Variants in SLA observed in about 807,000 individuals in gnomAD.
SLA encodes the protein src-like-adapter.
A neutral mutation model predicts 30.3 loss-of-function variants in SLA; 16 were observed. The observed-to-expected ratio is 0.53, with a 90% CI of 0.36 to 0.80. SLA has a LOEUF of 0.80. Ranked by LOEUF, SLA falls within the 30% of genes least tolerant of loss-of-function variation. The pLI, the probability that SLA is intolerant of heterozygous loss-of-function variation, is 0.01. For synonymous variants in SLA, 143 were observed against 137.8 expected (o/e 1.04, Z -0.26); for missense variants, 310 against 345.2 (o/e 0.90, Z 0.81).
chr8:133,079,087 A>T (rs1028858125), intron 1 of SLA, among the ~76,000 whole-genome samples: 5 of 152,204 alleles, frequency 3.3e-5, no homozygotes, highest in African/African-American at 1.2e-4. Context: ...GTACTGAGTC[A>T]GCACAAGAAG....
In SLA at chr8:133,040,048, G is replaced by C. The variant is rs138114921; in HGVS notation, c.567C>G (p.Ser189Arg). Residue 189 changes from serine to arginine, a missense_variant, in exon 8 of 9, where the codon AGC (serine) becomes AGG (arginine). Physicochemically the swap from Ser to Arg is moderately radical, Grantham distance 110 (BLOSUM62 -1). Transcript: ENST00000338087. Reference protein sequence around the residue: ...STAAPAVRASSSPVTLRQKTV... With the variant: ...STAAPAVRASRSPVTLRQKTV... ...TCTTCTGACGCAAGGTGACAGGTGA[G>C]CTGGAGGCCCTCACTGCTGGGGCAG... 5 of 1,552,948 alleles carry C rather than the reference G, an allele frequency of 3.2e-6. No individual in the cohort carries two copies. The highest frequency in any genetic ancestry group is 4.4e-6 in the Non-Finnish European group (5 of 1,147,676).
intron 2 of SLA, among the ~76,000 whole-genome samples, chr8:133,067,790 GAAAA>G (rs1564145104): frequency 7.0e-6 from 1 of 142,374 alleles, no homozygotes. Context: ...AAGAAAGAAA[GAAAA>G]AGAAAGAAAG....
intron 3 of SLA, among the ~76,000 whole-genome samples, chr8:133,055,873 G>T (rs1439196237): frequency 6.7e-6 from 1 of 148,684 alleles, no homozygotes; most frequent in Non-Finnish European, 1.5e-5. Flanking sequence ...GCAGCAGCAG[G>T]GCGCACAGCT....
intron 2 of SLA, among the ~76,000 whole-genome samples, chr8:133,061,428 TAC>T (rs1842355787): frequency 6.6e-6 from 1 of 151,954 alleles, no homozygotes; most frequent in Admixed American, 6.6e-5. Flanking sequence ...TGGCATAGAA[TAC>T]ATGTTAGTTA....
intron 1 of SLA, among the ~76,000 whole-genome samples, chr8:133,100,558 C>T (rs1289731461): frequency 1.3e-5 from 2 of 152,214 alleles, no homozygotes; most frequent in Non-Finnish European, 2.9e-5. Flanking sequence ...TGAAATAATT[C>T]ACCCTCACAA....
Position 133,063,068 on chromosome 8 carries a change from G to A in SLA, c.-40-2868C>T, listed in dbSNP as rs183872006. ...GGCTTCTGGGGAAAGTTCTCAACAT[G>A]CAGAACTAACTCTGAAACCACATGT... On this transcript the variant is annotated intron_variant, in intron 2 of 8. Coordinates refer to ENST00000338087, the MANE Select transcript of SLA (RefSeq NM_001045556.3). 2.6e-5 allele frequency among the ~76,000 whole-genome samples: 4 copies of A among 152,294 alleles called. No homozygotes were observed. The East Asian group carries it at 7.7e-4, about 29-fold the overall frequency.
chr8:133,040,125 C>A lies in SLA; in HGVS notation c.490G>T (p.Ala164Ser), dbSNP rs756663051. ...GTGAGCACACAGCACAGGCCATCAG[C>A]CACCTCTGAGGAGGGAAGCAGACAG... ...EDLVNHYSEV[A>S]DGLCCVLTTP... The change falls in exon 8 of 9, where the codon GCT (alanine) becomes TCT (serine). Residue 164 changes from alanine (A) to serine (S), a missense_variant. Coordinates refer to ENST00000338087, the MANE Select transcript of SLA (RefSeq NM_001045556.3). 4 of 1,577,830 alleles carry A rather than the reference C, an allele frequency of 2.5e-6. No individual in the cohort carries two copies. The South Asian group carries it at 4.7e-5, about 18-fold the overall frequency.
chr8:133,049,166 G>C, intron 5 of SLA: 1 of 456,610 alleles, frequency 2.2e-6, no homozygotes, highest in Non-Finnish European at 4.4e-6. Context: ...GGAGGCTGCA[G>C]AGGCCTCACT....
intron 1 of SLA, among the ~76,000 whole-genome samples, chr8:133,086,441 A>C (rs1846572203): frequency 6.6e-6 from 1 of 152,246 alleles, no homozygotes; most frequent in African/African-American, 2.4e-5. Flanking sequence ...TTATCATACA[A>C]CAAAAATATT....
chr8:133,096,258 A>T lies in SLA; in HGVS notation c.-319+6295T>A, dbSNP rs765324261. 58 of 1,614,070 alleles carry T rather than the reference A, an allele frequency of 3.6e-5. No homozygotes were observed. The highest frequency in any genetic ancestry group is 4.6e-5 in the Non-Finnish European group (54 of 1,180,040). On this transcript the variant is annotated intron_variant, in intron 1 of 8. Coordinates refer to ENST00000338087, the MANE Select transcript of SLA (RefSeq NM_001045556.3). ...TACTGGGGTCCTGTGATCGATGGCC[A>T]CTTCCTCCGTGAGCCTCCAGCCAGA...
At chr8:133,096,564 G>A (rs574906287) in intron 1 of SLA, among the ~76,000 whole-genome samples, 1 of 152,316 alleles carries the variant, frequency 6.6e-6, no homozygotes, top group Admixed American at 6.5e-5. Context: ...GAGCAACACA[G>A]GCACATCCAC....
rs570180615 is a variant in SLA, at chr8:133,060,421, T to C, written c.-40-221A>G. The C allele has an allele frequency of 5.5e-6, 8 of 1,467,438 alleles. No homozygotes were observed. The African/African-American group carries it at 1.2e-4, about 21-fold the overall frequency. The allele number at this position is 1,467,438 out of a possible 1,614,324, so 90.9% of individuals were successfully genotyped here. On this transcript the variant is annotated intron_variant, in intron 2 of 8. Coordinates refer to ENST00000338087, the MANE Select transcript of SLA (RefSeq NM_001045556.3). ...ACAGAAAAACCACAGAGAGGGAAGT[T>C]GCTAGCAAATGCTGTTGGTGGCAAA...
At chr8:133,060,354 T>G in intron 2 of SLA, 154 bp from the exon 3 acceptor site, 2 of 1,543,578 alleles carry the variant, frequency 1.3e-6, no homozygotes, top group Non-Finnish European at 1.7e-6. Flanking sequence ...TGGTGAAGAT[T>G]GGTTACTTTT....
At chr8:133,057,052 G>GAGGT (rs1457006836) in intron 3 of SLA, among the ~76,000 whole-genome samples, 3 of 152,144 alleles carry the variant, frequency 2.0e-5, no homozygotes, top group African/African-American at 7.2e-5. Flanking sequence ...CTGGGTTTGA[G>GAGGT]AGGTCCCTAC....
At chr8:133,045,983 A>G (rs1448268729) in intron 6 of SLA, among the ~76,000 whole-genome samples, 1 of 152,182 alleles carries the variant, frequency 6.6e-6, no homozygotes, top group Non-Finnish European at 1.5e-5. Context: ...AATCTGGAGA[A>G]GCTGAGTCAT....
chr8:133,086,307 A>G lies in SLA; in HGVS notation c.-318-11177T>C, dbSNP rs527877916. Among the ~76,000 whole-genome samples, 193 of 152,350 alleles carry G rather than the reference A, an allele frequency of 1.3e-3. 1 individual carries two copies. The highest frequency in any genetic ancestry group is 2.0e-3 in the Non-Finnish European group (134 of 68,030). ...GTGATGATTGCACAACTCTGTGACTATAACTAAAAACCATTGAATTAAGTG... is the reference window on the plus strand; with the variant it reads ...GTGATGATTGCACAACTCTGTGACTGTAACTAAAAACCATTGAATTAAGTG... On this transcript the variant is annotated intron_variant, in intron 1 of 8. Coordinates refer to ENST00000338087, the MANE Select transcript of SLA (RefSeq NM_001045556.3).
At chr8:133,065,939 A>T (rs1017400768) in intron 2 of SLA, among the ~76,000 whole-genome samples, 1 of 151,948 alleles carries the variant, frequency 6.6e-6, no homozygotes, top group Non-Finnish European at 1.5e-5. Context: ...TCCAGCGGGG[A>T]TGAGGGGTGC....
intron 1 of SLA, among the ~76,000 whole-genome samples, chr8:133,081,151 C>G (rs936830321): frequency 2.9e-4 from 44 of 152,380 alleles, no homozygotes; most frequent in African/African-American, 1.1e-3. Flanking sequence ...GCGCAAGGCG[C>G]ATAGGACGGG....
chr8:133,065,758 G>A (rs756669932), intron 2 of SLA, among the ~76,000 whole-genome samples: 13 of 149,100 alleles, frequency 8.7e-5, no homozygotes, highest in African/African-American at 2.8e-4. Flanking sequence ...GTGAAACTCC[G>A]TCTCAAAAAT....
Sources: gnomAD v4.1 joint callset for allele counts (sites outside exome capture counted in the v4.1 genomes callset) on GRCh38, gnomAD v4.1.1 for gene constraint, MANE v1.5 for transcripts, NCBI Gene and HGNC (gene_info 2026-07-23, HGNC 2026-07-21) for gene names.